The following CHD7 variants were observed in gnomAD, a reference collection of about 807,000 sequenced individuals.
CHD7 encodes chromodomain helicase DNA binding protein 7.
Under a neutral mutation model 307.3 loss-of-function variants are expected in CHD7, and 24 were observed. That is an observed-to-expected ratio of 0.08 (90% CI 0.06 to 0.11). CHD7 has a LOEUF of 0.11. Ranked by LOEUF, CHD7 falls within the 10% of genes least tolerant of loss-of-function variation. CHD7 has a pLI of 1.00. For synonymous variants in CHD7, 1,363 were observed against 1,349.9 expected (o/e 1.01, Z -0.21); for missense variants, 3,106 against 3,727.1 (o/e 0.83, Z 4.34).
intron 1 of CHD7, among the ~76,000 whole-genome samples, chr8:60,706,972 C>A (rs1420296335): frequency 6.6e-6 from 1 of 152,094 alleles, no homozygotes; most frequent in Non-Finnish European, 1.5e-5. Flanking sequence ...CTCCCTGCTC[C>A]CCCCACCCCA....
chr8:60,801,404 G>A (rs1812304300), intron 5 of CHD7, 124 bp from the exon 6 acceptor site: 2 of 673,620 alleles, frequency 3.0e-6, no homozygotes, highest in South Asian at 2.0e-5. Flanking sequence ...GTTTCTCACT[G>A]ATAACTTTGT....
chr8:60,823,528 A>T (rs1804139561), intron 12 of CHD7, among the ~76,000 whole-genome samples: 1 of 152,152 alleles, frequency 6.6e-6, no homozygotes, highest in Non-Finnish European at 1.5e-5. Flanking sequence ...TTATCTTTAG[A>T]TTTGGGAAAT....
At position 60,835,769 on chromosome 8, in the gene CHD7, G is replaced by T. The variant is rs576131287; in HGVS notation, c.3779-304G>T. 1.6e-4 allele frequency among the ~76,000 whole-genome samples: 25 copies of T among 152,258 alleles called. 1 individual carries two copies. The highest frequency in any genetic ancestry group is 5.8e-4 in the African/African-American group (24 of 41,550). On this transcript the variant is annotated intron_variant, in intron 15 of 37. Coordinates refer to ENST00000423902, the MANE Select transcript of CHD7 (RefSeq NM_017780.4). The stretch of plus-strand genomic sequence containing the variant: ...GGTATCTGGCCCTTGGCTTGTTTCT[G>T]CCACTTCTGGCTTGACAGTCTGTTG...
intron 1 of CHD7, among the ~76,000 whole-genome samples, chr8:60,721,778 C>T (rs1017507565): frequency 1.2e-4 from 18 of 152,152 alleles, no homozygotes; most frequent in African/African-American, 4.1e-4. Context: ...TTCAGGCAAG[C>T]GCTGGGAGAC....
intron 9 of CHD7, among the ~76,000 whole-genome samples, 173 bp from the exon 10 acceptor site, chr8:60,821,615 CAT>C (rs563637124): frequency 4.7e-5 from 7 of 149,966 alleles, no homozygotes; most frequent in Non-Finnish European, 7.4e-5. Context: ...TATGTATAAA[CAT>C]ATATATACAT....
In CHD7 at chr8:60,821,872, C is replaced by T; in HGVS notation, c.2780C>T (p.Ala927Val). 6.2e-7 allele frequency: 1 copy of T among 1,608,122 alleles called. No individual in the cohort carries two copies. The highest frequency in any genetic ancestry group is 8.5e-7 in the Non-Finnish European group (1 of 1,177,020). Residue 927 changes from alanine (A) to valine (V), a missense_variant, in exon 10 of 38, where the codon GCA (alanine) becomes GTA (valine). Physicochemically the swap from Ala to Val is moderately conservative, Grantham distance 64. Around this residue, in one of 10 missense-constraint regions of CHD7, gnomAD observed 188 missense variants for 261.7 expected, o/e 0.72. Coordinates refer to ENST00000423902, the MANE Select transcript of CHD7 (RefSeq NM_017780.4). ...TWERRQDIDQ[A>V]KIEEFEKLMS... ...GAGCGGAGGCAGGACATAGATCAAG[C>T]AAAGATCGAGGAGTTTGAGAAACTA... is the stretch of plus-strand genomic sequence containing the variant.
In CHD7 at chr8:60,742,942, C is replaced by G; in HGVS notation, c.1510C>G (p.Gln504Glu). 6.2e-7 allele frequency: 1 copy of G among 1,613,216 alleles called. No individual in the cohort carries two copies. The highest frequency in any genetic ancestry group is 8.5e-7 in the Non-Finnish European group (1 of 1,179,538). ...GATACCTGGCCAACAACATCCTGGT[C>G]AACAGCCATCTTTTCAGCAGTTGCC... Reference protein sequence around the residue: ...RLIPGQQHPGQQPSFQQLPTC... With the variant: ...RLIPGQQHPGEQPSFQQLPTC... Residue 504 changes from glutamine to glutamate, a missense_variant, in exon 2 of 38, where the codon CAA becomes GAA. This residue lies in a region of CHD7 where 998 missense variants were observed against 1,004.5 expected (regional missense o/e 0.99). Coordinates refer to ENST00000423902, the MANE Select transcript of CHD7 (RefSeq NM_017780.4).
chr8:60,746,683 T>C lies in CHD7; in HGVS notation c.1665+3586T>C, dbSNP rs190660135. ...GTTTCCTGGCTTCTGAATGGATATTTTCTAGATTATGGAACACATTTAAGT... is the reference window on the plus strand; with the variant it reads ...GTTTCCTGGCTTCTGAATGGATATTCTCTAGATTATGGAACACATTTAAGT... On this transcript the variant is annotated intron_variant, in intron 2 of 37. Coordinates refer to ENST00000423902, the MANE Select transcript of CHD7 (RefSeq NM_017780.4). Among the ~76,000 whole-genome samples the C allele has an allele frequency of 3.3e-5, 5 of 152,330 alleles. No individual in the cohort carries two copies. The East Asian group carries it at 9.6e-4, about 29-fold the overall frequency.
At chr8:60,725,091 G>A (rs1355734118) in intron 1 of CHD7, among the ~76,000 whole-genome samples, 1 of 152,172 alleles carries the variant, frequency 6.6e-6, no homozygotes, top group Admixed American at 6.5e-5. Flanking sequence ...CCTAGTCACA[G>A]CGATAAGCCC....
intron 15 of CHD7, among the ~76,000 whole-genome samples, chr8:60,832,029 T>A (rs1338522880): frequency 2.0e-5 from 3 of 151,898 alleles, no homozygotes; most frequent in African/African-American, 7.3e-5. Context: ...TATACACAGT[T>A]TTTTTTTCTT....
intron 21 of CHD7, among the ~76,000 whole-genome samples, chr8:60,842,330 T>C (rs981129850): frequency 6.6e-6 from 1 of 152,252 alleles, no homozygotes; most frequent in Admixed American, 6.5e-5. Context: ...TGATTATTAA[T>C]AATTAAGAAC....
intron 23 of CHD7, among the ~76,000 whole-genome samples, chr8:60,846,366 C>T (rs1338929828): frequency 6.6e-6 from 1 of 152,218 alleles, no homozygotes; most frequent in Non-Finnish European, 1.5e-5. Flanking sequence ...TTTCCAAAAA[C>T]TGATTATAGA....
Position 60,800,432 on chromosome 8 carries a change from A to G in CHD7, c.2283A>G (p.Glu761=), listed in dbSNP as rs1372243680. The change falls in exon 5 of 38, where the codon GAA becomes GAG. Residue 761 remains glutamate (E), a synonymous_variant. Transcript: ENST00000423902. ...AGGTGAAGAGAAAGCGCTACACTGA[A>G]GACCTGGAGTTCAAGATTTCTGATG... ...SRQVKRKRYT[E]DLEFKISDEE... The G allele has an allele frequency of 1.2e-6, 2 of 1,613,880 alleles. No individual in the cohort carries two copies. The highest frequency in any genetic ancestry group is 1.7e-6 in the Non-Finnish European group (2 of 1,179,832).
At chr8:60,721,122 A>T (rs1807881144) in intron 1 of CHD7, among the ~76,000 whole-genome samples, 1 of 152,176 alleles carries the variant, frequency 6.6e-6, no homozygotes, top group Admixed American at 6.5e-5. Flanking sequence ...TTATGGATTG[A>T]ATTGTGTCAC....
chr8:60,807,894 G>A (rs117689289), intron 6 of CHD7, among the ~76,000 whole-genome samples: 2,929 of 152,338 alleles, frequency 0.019, 33 homozygotes, highest in Non-Finnish European at 0.027. Context: ...TACACTTGGC[G>A]TCTACTTAAC....
intron 1 of CHD7, among the ~76,000 whole-genome samples, chr8:60,737,848 AGAGAT>A (rs1160690644): frequency 6.6e-6 from 1 of 152,230 alleles, no homozygotes; most frequent in African/African-American, 2.4e-5. Context: ...TTCTTATTTA[AGAGAT>A]GCATCATTTA....
intron 2 of CHD7, among the ~76,000 whole-genome samples, chr8:60,753,780 G>A (rs549154217): frequency 7.9e-5 from 12 of 151,374 alleles, no homozygotes; most frequent in Admixed American, 7.9e-4. Context: ...GCCCACCACC[G>A]CACCTGGCTG....
At chr8:60,802,607 C>T (rs1266603841) in intron 6 of CHD7, among the ~76,000 whole-genome samples, 1 of 152,194 alleles carries the variant, frequency 6.6e-6, no homozygotes, top group Non-Finnish European at 1.5e-5. Context: ...CTGCCTTGGG[C>T]TCCCAAACTG....
chr8:60,849,987 A>G (rs143917304), intron 25 of CHD7, among the ~76,000 whole-genome samples: 1 of 152,264 alleles, frequency 6.6e-6, no homozygotes, highest in East Asian at 1.9e-4. Flanking sequence ...CATAGAGGGA[A>G]CCGTGTCATC....
Sources: allele counts gnomAD v4.1 joint callset (sites outside exome capture counted in the v4.1 genomes callset), GRCh38; gene constraint gnomAD v4.1.1; regional missense constraint gnomAD v4.1.1; transcripts MANE v1.5; gene names NCBI Gene and HGNC (gene_info 2026-07-23, HGNC 2026-07-21).